Variants in UBE2K observed in about 807,000 individuals in gnomAD.
The protein encoded by UBE2K is ubiquitin-conjugating enzyme E2 K.
Under a neutral mutation model 30.0 loss-of-function variants are expected in UBE2K, and 6 were observed. The observed-to-expected ratio is 0.20, with a 90% CI of 0.11 to 0.39. The LOEUF (loss-of-function observed/expected upper bound fraction) is 0.39, where lower values mean the gene tolerates loss of function less well. Among genes scored for constraint, UBE2K ranks in the 10% least tolerant of loss-of-function variants. The pLI is 1.00. For missense variants in UBE2K, 61 were observed against 241.6 expected, an observed-to-expected ratio of 0.25 and a Z score of 4.96; for synonymous variants, 86 against 83.7, an observed-to-expected ratio of 1.03 and a Z score of -0.15.
At chr4:39,733,730 A>C (rs1190482890) in intron 1 of UBE2K, among the ~76,000 whole-genome samples, 1 of 152,220 alleles carries the variant, frequency 6.6e-6, no homozygotes, top group Non-Finnish European at 1.5e-5. Flanking sequence ...CTCATTTTAC[A>C]GTAATAAAAT....
chr4:39,757,201 T>TTTTTAGTAGAGA (rs1711549577), intron 4 of UBE2K, among the ~76,000 whole-genome samples: 2 of 151,998 alleles, frequency 1.3e-5, no homozygotes, highest in African/African-American at 4.8e-5. Context: ...AATTTTTGTA[T>TTTTTAGTAGAGA]TTTTAGTAGA....
At chr4:39,714,542 A>ATTTTTTTTTTTTTTTTTTT (rs1275060030) in intron 1 of UBE2K, 1 of 20,214 alleles carries the variant, frequency 4.9e-5, no homozygotes, top group Non-Finnish European at 7.4e-5. Flanking sequence ...ATATATATAT[A>ATTTTTTTTTTTTTTTTTTT]TATATATATT....
intron 3 of UBE2K, among the ~76,000 whole-genome samples, chr4:39,751,976 A>T (rs1157128514): frequency 4.6e-5 from 7 of 152,182 alleles, no homozygotes; most frequent in Admixed American, 2.6e-4. Flanking sequence ...CAATAAAAGT[A>T]AAAAAATAAG....
Position 39,779,042 on chromosome 4 carries a change from A to ACCCCCCCCCCCCCCCC in UBE2K, c.*616_*617insCCCCCCCCCCCCCCCC, listed in dbSNP as rs3839130. The stretch of plus-strand genomic sequence containing the variant: ...TGGGACAGTGTCTGATTCCCCCTTC[A>ACCCCCCCCCCCCCCCC]CCCCCCCCACCCCCGCCTTGCCACA... On this transcript the variant is annotated 3_prime_UTR_variant, in exon 7 of 7. Transcript: ENST00000261427. The ACCCCCCCCCCCCCCCC allele has an allele frequency of 1.9e-4, 24 of 128,210 alleles. No individual in the cohort carries two copies. The highest frequency in any genetic ancestry group is 2.7e-4 in the African/African-American group (9 of 32,814). 7.9% of individuals were successfully genotyped at this position (128,210 alleles called of 1,614,324 possible). A position where few individuals can be genotyped will look rare whatever the true frequency, so the allele number is the denominator to read the frequency against.
chr4:39,755,675 A>G lies in UBE2K; in HGVS notation c.235A>G (p.Ile79Val). 1 of 1,605,014 alleles carries G rather than the reference A, an allele frequency of 6.2e-7. No homozygotes were observed. The highest frequency in any genetic ancestry group is 8.5e-7 in the Non-Finnish European group (1 of 1,177,600). ...ATTCTAGGTCCGGTTTATCACTAAAATATGGCATCCTAATATTAGTTCCGT... is the reference window on the plus strand; with the variant it reads ...ATTCTAGGTCCGGTTTATCACTAAAGTATGGCATCCTAATATTAGTTCCGT... ...NPPKVRFITK[I>V]WHPNISSVTG... The change falls in exon 4 of 7, where the codon ATA (isoleucine) becomes GTA (valine). Residue 79 changes from isoleucine (I) to valine (V), a missense_variant. By Grantham distance (29) the Ile-to-Val change is conservative (BLOSUM62 3). Coordinates refer to ENST00000261427, the MANE Select transcript of UBE2K (RefSeq NM_005339.5).
At chr4:39,714,740 C>T (rs764018941) in intron 1 of UBE2K, among the ~76,000 whole-genome samples, 33 of 149,478 alleles carry the variant, frequency 2.2e-4, no homozygotes, top group Non-Finnish European at 3.4e-4. Flanking sequence ...TTAGTAGAGA[C>T]GGGTTTTACC....
intron 4 of UBE2K, among the ~76,000 whole-genome samples, chr4:39,774,184 G>A (rs1223193174): frequency 6.6e-6 from 1 of 151,930 alleles, no homozygotes; most frequent in African/African-American, 2.4e-5. Flanking sequence ...TGTGCCTGTA[G>A]TCCCAGCTAC....
At chr4:39,729,930 A>G (rs917622554) in intron 1 of UBE2K, among the ~76,000 whole-genome samples, 3 of 152,120 alleles carry the variant, frequency 2.0e-5, no homozygotes, top group African/African-American at 4.8e-5. Flanking sequence ...TACTTTCTAG[A>G]TTTTCTGTCT....
chr4:39,740,122 A>G (rs1249376106), intron 2 of UBE2K, among the ~76,000 whole-genome samples: 1 of 152,106 alleles, frequency 6.6e-6, no homozygotes, highest in Non-Finnish European at 1.5e-5. Context: ...AGATGTTTTT[A>G]TATAATAATA....
chr4:39,757,011 G>GTTTT lies in UBE2K; in HGVS notation c.299+1275_299+1278dup, dbSNP rs1354761879. Among the ~76,000 whole-genome samples, 530 of 76,722 alleles carry GTTTT rather than the reference G, an allele frequency of 6.9e-3. 49 individuals carry two copies. The highest frequency in any genetic ancestry group is 9.8e-3 in the Non-Finnish European group (387 of 39,670). 50.3% of individuals were successfully genotyped at this position (76,722 alleles called of 152,430 possible). A position where few individuals can be genotyped will look rare whatever the true frequency, so the allele number is the denominator to read the frequency against. ...ATGTTTTTTTGGGTGTTTTTTTTTTGTTTTTTGTTTTTTGTTTTTTGTTTT... is the reference window on the plus strand; with the variant it reads ...ATGTTTTTTTGGGTGTTTTTTTTTTGTTTTTTTTTTGTTTTTTGTTTTTTGTTTT... On this transcript the variant is annotated intron_variant, in intron 4 of 6. Transcript: ENST00000261427.
intron 2 of UBE2K, among the ~76,000 whole-genome samples, chr4:39,742,586 T>G (rs1389545104): frequency 6.6e-6 from 1 of 151,096 alleles, no homozygotes; most frequent in Non-Finnish European, 1.5e-5. Flanking sequence ...AAAAAAAAAT[T>G]AAAAAATTAG....
Position 39,782,306 on chromosome 4 carries a change from A to G in UBE2K, c.*3872A>G, listed in dbSNP as rs1713660648. On this transcript the variant is annotated 3_prime_UTR_variant, in exon 7 of 7. Coordinates refer to ENST00000261427, the MANE Select transcript of UBE2K (RefSeq NM_005339.5). ...TTGCTGTTACCTACTTTTTACAGGC[A>G]TCATAATAAAAGCTAGACTATTTCT... is the stretch of plus-strand genomic sequence containing the variant. 4.1e-6 allele frequency: 1 copy of G among 241,240 alleles called. No individual in the cohort carries two copies. The highest frequency in any genetic ancestry group is 5.5e-5 in the Admixed American group (1 of 18,092). The allele number at this position is 241,240 out of a possible 1,614,324, so 14.9% of individuals were successfully genotyped here. A position where few individuals can be genotyped will look rare whatever the true frequency, so the allele number is the denominator to read the frequency against.
At chr4:39,700,064 G>A (rs924667416) in intron 1 of UBE2K, among the ~76,000 whole-genome samples, 2 of 152,028 alleles carry the variant, frequency 1.3e-5, no homozygotes, top group Admixed American at 6.6e-5. Context: ...GTTTAATAAG[G>A]TTGTACAAGC....
intron 4 of UBE2K, among the ~76,000 whole-genome samples, chr4:39,772,116 C>T (rs1366933574): frequency 6.6e-6 from 1 of 152,168 alleles, no homozygotes; most frequent in African/African-American, 2.4e-5. Flanking sequence ...GGATTACAGG[C>T]GTCAGCCACT....
At chr4:39,754,145 G>T (rs966970007) in intron 3 of UBE2K, among the ~76,000 whole-genome samples, 1 of 152,178 alleles carries the variant, frequency 6.6e-6, no homozygotes, top group Admixed American at 6.5e-5. Context: ...TTTAGTTTTG[G>T]TGCGGAAAAT....
chr4:39,745,488 A>G (rs1720943507), intron 2 of UBE2K, among the ~76,000 whole-genome samples: 1 of 152,136 alleles, frequency 6.6e-6, no homozygotes, highest in Admixed American at 6.6e-5. Flanking sequence ...TTGGCATTGC[A>G]TTGTCTGGAT....
intron 4 of UBE2K, chr4:39,770,443 C>T: frequency 6.2e-7 from 1 of 1,612,010 alleles, no homozygotes; most frequent in Non-Finnish European, 8.5e-7. Flanking sequence ...TGGAACACTT[C>T]CGGGCACTTG....
rs370715411 is a variant in UBE2K, at chr4:39,741,144, G to A, written c.157+3631G>A. On this transcript the variant is annotated intron_variant, in intron 2 of 6. Coordinates refer to ENST00000261427, the MANE Select transcript of UBE2K (RefSeq NM_005339.5). ...AAATTAGCTGGGTGTGGTGGCGTGC[G>A]CCTATAATCCCAGCTACTCAGGAGG... Among the ~76,000 whole-genome samples, 14 of 151,926 alleles carry A rather than the reference G, an allele frequency of 9.2e-5. No homozygotes were observed. In the East Asian group the frequency reaches 2.3e-3, roughly 25 times the overall value.
At chr4:39,775,659 G>A (rs1455223745) in intron 5 of UBE2K, among the ~76,000 whole-genome samples, 1 of 152,128 alleles carries the variant, frequency 6.6e-6, no homozygotes, top group East Asian at 1.9e-4. Context: ...GGCTGAAGTG[G>A]GAGAATCGCT....
Sources: gnomAD v4.1 joint callset for allele counts (sites outside exome capture counted in the v4.1 genomes callset) on GRCh38, gnomAD v4.1.1 for gene constraint, MANE v1.5 for transcripts, NCBI Gene and HGNC (gene_info 2026-07-23, HGNC 2026-07-21) for gene names.